Variants in IMMT observed in about 807,000 individuals in gnomAD.
The protein encoded by IMMT is inner membrane mitochondrial protein.
A neutral mutation model predicts 92.7 loss-of-function variants in IMMT; 40 were observed. That is an observed-to-expected ratio of 0.43 (90% CI 0.34 to 0.56). IMMT has a LOEUF of 0.56. IMMT is among the 20% of genes least tolerant of loss of function. IMMT has a pLI of 0.03. For missense variants in IMMT, 831 were observed against 912.1 expected (o/e 0.91, Z 1.14); for synonymous variants, 322 against 336.1 (o/e 0.96, Z 0.46).
At chr2:86,183,754 A>G (rs1672580133) in intron 1 of IMMT, among the ~76,000 whole-genome samples, 1 of 152,156 alleles carries the variant, frequency 6.6e-6, no homozygotes, top group Non-Finnish European at 1.5e-5. Context: ...CCACCTTTAC[A>G]CAAATGATAC....
intron 7 of IMMT, 40 bp from the exon 8 acceptor site, chr2:86,162,119 T>C (rs1248701707): frequency 1.6e-6 from 2 of 1,278,818 alleles, no homozygotes; most frequent in Non-Finnish European, 2.2e-6. Context: ...ATAACTGCTA[T>C]TATTGTCATA....
chr2:86,157,795 A>AG (rs1675958847), intron 10 of IMMT, among the ~76,000 whole-genome samples: 2 of 124,838 alleles, frequency 1.6e-5, no homozygotes, highest in Non-Finnish European at 3.7e-5. Context: ...TCTCAAAAAA[A>AG]AAAAAAAAGA....
At chr2:86,149,308 A>G (rs527809973) in intron 12 of IMMT, among the ~76,000 whole-genome samples, 1 of 152,226 alleles carries the variant, frequency 6.6e-6, no homozygotes, top group Non-Finnish European at 1.5e-5. Context: ...GACAAAAGAT[A>G]TAGTCAAGGT....
Position 86,151,444 on chromosome 2 carries a change from C to G in IMMT, c.1254G>C (p.Glu418Asp), listed in dbSNP as rs552871329. ...AHRRIDQLNR[E>D]LAEQKATEKQ... The stretch of plus-strand genomic sequence containing the variant: ...TTTCGGTGGCCTTCTGTTCTGCCAG[C>G]TCTCTGTTCAGCTGATCAATACGAC... Residue 418 changes from glutamate (E) to aspartate (D), a missense_variant, in exon 12 of 15, where the codon GAG becomes GAC. Coordinates refer to ENST00000410111, the MANE Select transcript of IMMT (RefSeq NM_006839.3). 9 of 1,613,862 alleles carry G rather than the reference C, an allele frequency of 5.6e-6. No individual in the cohort carries two copies. Among genetic ancestry groups the G allele is most frequent in the Admixed American group, 1.7e-5 (1 of 59,998 alleles).
At position 86,171,232 on chromosome 2, in the gene IMMT, C is replaced by T; in HGVS notation, c.535G>A (p.Gly179Arg). 1 of 1,599,704 alleles carries T rather than the reference C, an allele frequency of 6.3e-7. No homozygotes were observed. Among genetic ancestry groups the T allele is most frequent in the African/African-American group, 1.3e-5 (1 of 74,700 alleles). ...LKTDHPEIGE[G>R]KPTPALSEEA... ...CCTGAAAGTGCAGGTGTGGGTTTTC[C>T]TTCACCAATTTCAGGGTGATCAGTT... The change falls in exon 5 of 15, where the codon GGA (glycine) becomes AGA (arginine). Residue 179 changes from glycine to arginine, a missense_variant. Physicochemically the swap from Gly to Arg is moderately radical, Grantham distance 125 (BLOSUM62 -2). Coordinates refer to ENST00000410111, the MANE Select transcript of IMMT (RefSeq NM_006839.3).
chr2:86,166,286 G>A (rs867036225), intron 7 of IMMT, among the ~76,000 whole-genome samples: 56 of 152,054 alleles, frequency 3.7e-4, no homozygotes, highest in African/African-American at 1.3e-3. Flanking sequence ...AGCCGAGATC[G>A]CACCACTGGA....
At chr2:86,146,370 A>AAT (rs370775851) in intron 13 of IMMT, among the ~76,000 whole-genome samples, 173 bp from the exon 14 acceptor site, 6 of 122,774 alleles carry the variant, frequency 4.9e-5, no homozygotes, top group African/African-American at 7.6e-5. Context: ...TGATGTATAT[A>AAT]ATATATTTTT....
At chr2:86,146,220 C>G (rs772454563) in intron 13 of IMMT, 23 bp from the exon 14 acceptor site, 2 of 1,587,426 alleles carry the variant, frequency 1.3e-6, no homozygotes, top group Admixed American at 1.7e-5. Context: ...AGAAATAGTT[C>G]CAGAAAAAAG....
intron 1 of IMMT, among the ~76,000 whole-genome samples, chr2:86,189,203 TA>T (rs965104130): frequency 2.6e-5 from 4 of 151,144 alleles, no homozygotes; most frequent in African/African-American, 4.9e-5. Flanking sequence ...AACGTGATAT[TA>T]AAAAAAAGAG....
At chr2:86,186,846 T>TA (rs927659539) in intron 1 of IMMT, among the ~76,000 whole-genome samples, 20 of 152,348 alleles carry the variant, frequency 1.3e-4, no homozygotes, top group African/African-American at 4.8e-4. Context: ...CAGATCTTTT[T>TA]AAATTCATGG....
At position 86,144,282 on chromosome 2, in the gene IMMT, C is replaced by T. The variant is rs1674819858; in HGVS notation, c.2263G>A (p.Val755Met). The T allele has an allele frequency of 1.9e-6, 3 of 1,613,888 alleles. No individual in the cohort carries two copies. The highest frequency in any genetic ancestry group is 2.5e-6 in the Non-Finnish European group (3 of 1,179,832). Residue 755 changes from valine to methionine, a missense_variant, in exon 15 of 15, where the codon GTG (valine) becomes ATG (methionine). Physicochemically the swap from Val to Met is conservative, Grantham distance 21. Coordinates refer to ENST00000410111, the MANE Select transcript of IMMT (RefSeq NM_006839.3). ...ASAVGIGTTQ[V>M]QPE ...CTTCCTAAACCTCACTCTGGCTGCA[C>T]CTGAGTGGTTCCTATTCCTACGGCG... is the stretch of plus-strand genomic sequence containing the variant.
intron 3 of IMMT, among the ~76,000 whole-genome samples, chr2:86,177,378 G>A (rs919666948): frequency 3.3e-5 from 5 of 152,040 alleles, no homozygotes; most frequent in East Asian, 1.9e-4. Flanking sequence ...TGAGGTGGGC[G>A]GATCACCTGA....
At chr2:86,179,288 G>T in intron 3 of IMMT, 145 bp downstream of exon 3, 1 of 624,062 alleles carries the variant, frequency 1.6e-6, no homozygotes, top group Non-Finnish European at 2.7e-6. Context: ...TCTGAGACTT[G>T]AGCATCCATG....
chr2:86,180,088 T>C (rs1192359696), intron 2 of IMMT, among the ~76,000 whole-genome samples: 4 of 151,822 alleles, frequency 2.6e-5, no homozygotes, highest in African/African-American at 7.3e-5. Context: ...AAAAAATAAA[T>C]AAATAAATAA....
chr2:86,164,052 ATT>A (rs540613367), intron 7 of IMMT, among the ~76,000 whole-genome samples: 884 of 63,028 alleles, frequency 0.014, 6 homozygotes, highest in Middle Eastern at 0.048. Flanking sequence ...CACTTTAGTC[ATT>A]TTTTTTTTTT....
At position 86,195,338 on chromosome 2, in the gene IMMT, C is replaced by G. The variant is rs756236994; in HGVS notation, c.45G>C (p.Gln15His). 4.5e-6 allele frequency: 7 copies of G among 1,548,884 alleles called. No homozygotes were observed. The highest frequency in any genetic ancestry group is 6.1e-6 in the Non-Finnish European group (7 of 1,146,046). Residue 15 changes from glutamine to histidine, a missense_variant and splice_region_variant, in exon 1 of 15, where the codon CAG (glutamine) becomes CAC (histidine). Physicochemically the swap from Gln to His is conservative, Grantham distance 24. Transcript: ENST00000410111. The stretch of plus-strand genomic sequence containing the variant: ...CGCCTCCGGGAGCCCCAGTGCTCAC[C>G]TGGGCGGCGGCGGTCACACCCGATA... ...CQLSGVTAAA[Q>H]SCLCGKFVLR...
chr2:86,195,223 T>C, intron 1 of IMMT, 115 bp downstream of exon 1: 2 of 1,130,958 alleles, frequency 1.8e-6, no homozygotes. Context: ...CCGACGAGGG[T>C]GGCCCTGAGG....
chr2:86,157,804 G>GAA (rs113355266), intron 10 of IMMT, among the ~76,000 whole-genome samples: 6,361 of 111,448 alleles, frequency 0.057, 415 homozygotes, highest in African/African-American at 0.17. Flanking sequence ...AAAAAAAAAA[G>GAA]AAAAAAAAAA....
chr2:86,163,928 C>CA (rs1676465152), intron 7 of IMMT, among the ~76,000 whole-genome samples: 1 of 123,064 alleles, frequency 8.1e-6, no homozygotes, highest in African/African-American at 3.1e-5. Context: ...TATTGCACTC[C>CA]AGCCTGGGCA....
Sources: gnomAD v4.1 joint callset for allele counts (sites outside exome capture counted in the v4.1 genomes callset) on GRCh38, gnomAD v4.1.1 for gene constraint, MANE v1.5 for transcripts, NCBI Gene and HGNC (gene_info 2026-07-23, HGNC 2026-07-21) for gene names.